The following EXOC6B variants were observed in gnomAD, a reference collection of about 807,000 sequenced individuals.
EXOC6B encodes exocyst complex component 6B.
Under a neutral mutation model 113.5 loss-of-function variants are expected in EXOC6B, and 54 were observed. That is an observed-to-expected ratio of 0.48 (90% CI 0.38 to 0.60). EXOC6B has a LOEUF of 0.60. Among genes scored for constraint, EXOC6B ranks in the 20% least tolerant of loss-of-function variants. EXOC6B has a pLI of 0.00. For missense variants in EXOC6B, 797 were observed against 977.5 expected, an observed-to-expected ratio of 0.82 and a Z score of 2.46; for synonymous variants, 357 against 339.0, an observed-to-expected ratio of 1.05 and a Z score of -0.58.
chr2:72,479,587 AC>A (rs1181958803), intron 17 of EXOC6B, among the ~76,000 whole-genome samples: 12 of 152,332 alleles, frequency 7.9e-5, no homozygotes, highest in Admixed American at 6.5e-4. Flanking sequence ...AACAATATAA[AC>A]AAAAAATCAA....
rs115253335 is a variant in EXOC6B at position 72,708,525 on chromosome 2, A to G, written c.669+9578T>C. Among the ~76,000 whole-genome samples, 1,227 of 152,316 alleles carry G rather than the reference A, an allele frequency of 8.1e-3. 31 individuals carry two copies. Among genetic ancestry groups the G allele is most frequent in the African/African-American group, 0.029 (1,190 of 41,554 alleles). ...TTTATACAATATTCTAGAAAAGCCA[A>G]AACAATGGAGGTGGAGAACACAGAT... On this transcript the variant is annotated intron_variant, in intron 6 of 21. Coordinates refer to ENST00000272427, the MANE Select transcript of EXOC6B (RefSeq NM_015189.3).
intron 6 of EXOC6B, among the ~76,000 whole-genome samples, chr2:72,587,509 C>T (rs1448295221): frequency 6.6e-6 from 1 of 152,070 alleles, no homozygotes; most frequent in Non-Finnish European, 1.5e-5. Flanking sequence ...ACATCCCAAA[C>T]CTTAGAATCA....
At chr2:72,514,444 T>C (rs1288152349) in intron 10 of EXOC6B, among the ~76,000 whole-genome samples, 190 bp downstream of exon 10, 1 of 151,674 alleles carries the variant, frequency 6.6e-6, no homozygotes, top group East Asian at 1.9e-4. Context: ...GTGTTCCTTT[T>C]AAATCATTAG....
At position 72,671,166 on chromosome 2, in the gene EXOC6B, A is replaced by G. The variant is rs545479555; in HGVS notation, c.669+46937T>C. On this transcript the variant is annotated intron_variant, in intron 6 of 21. Transcript: ENST00000272427. ...ACAAAAGCAAAAATAGACAAACAGGATTACATTAAGCTAAAAAGCTTTGGC... is the reference window on the plus strand; with the variant it reads ...ACAAAAGCAAAAATAGACAAACAGGGTTACATTAAGCTAAAAAGCTTTGGC... 1.2e-3 allele frequency among the ~76,000 whole-genome samples: 176 copies of G among 152,308 alleles called. 1 individual carries two copies. Among genetic ancestry groups the G allele is most frequent in the Middle Eastern group, 6.8e-3 (2 of 294 alleles).
chr2:72,661,328 A>C (rs1003388339), intron 6 of EXOC6B, among the ~76,000 whole-genome samples: 4 of 151,660 alleles, frequency 2.6e-5, no homozygotes, highest in Non-Finnish European at 4.4e-5. Flanking sequence ...GTCCGTACTC[A>C]CAGATAACGT....
At chr2:72,467,440 C>T (rs1698124516) in intron 17 of EXOC6B, among the ~76,000 whole-genome samples, 1 of 152,182 alleles carries the variant, frequency 6.6e-6, no homozygotes. Context: ...TACTAATTTA[C>T]ATTCCCAAGA....
At chr2:72,584,268 C>T (rs1324039293) in intron 6 of EXOC6B, among the ~76,000 whole-genome samples, 2 of 150,726 alleles carry the variant, frequency 1.3e-5, no homozygotes, top group African/African-American at 2.4e-5. Context: ...TTAAGAGACC[C>T]ATCTCACATG....
intron 20 of EXOC6B, among the ~76,000 whole-genome samples, chr2:72,275,704 G>A (rs1684771774): frequency 6.6e-6 from 1 of 152,160 alleles, no homozygotes; most frequent in Non-Finnish European, 1.5e-5. Flanking sequence ...TCAGGTCTCT[G>A]GGTATTCAAT....
chr2:72,233,310 A>G (rs1681747844), intron 20 of EXOC6B, among the ~76,000 whole-genome samples: 1 of 151,940 alleles, frequency 6.6e-6, no homozygotes. Context: ...GTGAACACTG[A>G]CCCTGCAGGC....
chr2:72,299,605 G>A (rs191297278), intron 20 of EXOC6B, among the ~76,000 whole-genome samples: 5 of 152,226 alleles, frequency 3.3e-5, no homozygotes, highest in African/African-American at 1.2e-4. Flanking sequence ...ATCCTTTGGA[G>A]GAGAAGAGGT....
intron 20 of EXOC6B, among the ~76,000 whole-genome samples, chr2:72,211,844 C>G (rs1340666318): frequency 6.6e-6 from 1 of 152,112 alleles, no homozygotes; most frequent in African/African-American, 2.4e-5. Context: ...TTACCTGTTG[C>G]TTTGGTTTGA....
rs911106107 is a variant in EXOC6B at position 72,550,761 on chromosome 2, A to G, written c.915+8692T>C. Among the ~76,000 whole-genome samples the G allele has an allele frequency of 2.2e-4, 33 of 152,204 alleles. 1 individual carries two copies. The highest frequency in any genetic ancestry group is 7.0e-4 in the African/African-American group (29 of 41,526). On this transcript the variant is annotated intron_variant, in intron 8 of 21. Transcript: ENST00000272427. The stretch of plus-strand genomic sequence containing the variant: ...GTCATCGTACAATTAAGAATATGTA[A>G]ATTTTTAAAAATTTGTATATTGACG...
intron 18 of EXOC6B, among the ~76,000 whole-genome samples, chr2:72,445,307 C>A (rs1389376756): frequency 1.3e-5 from 2 of 152,142 alleles, no homozygotes; most frequent in Non-Finnish European, 2.9e-5. Flanking sequence ...TGATCAAAGC[C>A]ATTCAACAAG....
chr2:72,677,455 A>G (rs573603784), intron 6 of EXOC6B, among the ~76,000 whole-genome samples: 9 of 152,212 alleles, frequency 5.9e-5, no homozygotes, highest in Non-Finnish European at 1.0e-4. Flanking sequence ...AACAGTCAAG[A>G]CTGATCCTTT....
chr2:72,407,943 C>T (rs1346395855), intron 18 of EXOC6B, among the ~76,000 whole-genome samples: 1 of 152,176 alleles, frequency 6.6e-6, no homozygotes, highest in Non-Finnish European at 1.5e-5. Flanking sequence ...TTGCAGATGA[C>T]ATGATTGTAT....
intron 19 of EXOC6B, among the ~76,000 whole-genome samples, chr2:72,372,571 C>A (rs535140174): frequency 6.6e-6 from 1 of 152,058 alleles, no homozygotes; most frequent in Non-Finnish European, 1.5e-5. Context: ...ACTGACTGGG[C>A]GTGGTGGCTC....
At chr2:72,598,733 T>C (rs1335436324) in intron 6 of EXOC6B, among the ~76,000 whole-genome samples, 1 of 151,990 alleles carries the variant, frequency 6.6e-6, no homozygotes, top group African/African-American at 2.4e-5. Flanking sequence ...ACTAATCCCA[T>C]GGACATTAAA....
chr2:72,194,636 A>C (rs933322910), intron 20 of EXOC6B, among the ~76,000 whole-genome samples: 6 of 150,884 alleles, frequency 4.0e-5, no homozygotes, highest in Non-Finnish European at 7.4e-5. Context: ...CACAACTCAG[A>C]GCAGAAGCTG....
At chr2:72,419,573 T>C (rs1375699754) in intron 18 of EXOC6B, among the ~76,000 whole-genome samples, 1 of 152,206 alleles carries the variant, frequency 6.6e-6, no homozygotes, top group East Asian at 1.9e-4. Flanking sequence ...TTTCCAGATA[T>C]AGAATTCTTG....
Sources: allele counts gnomAD v4.1 joint callset (sites outside exome capture counted in the v4.1 genomes callset), GRCh38; gene constraint gnomAD v4.1.1; transcripts MANE v1.5; gene names NCBI Gene and HGNC (gene_info 2026-07-23, HGNC 2026-07-21).